Variants in TRIM67 observed in about 807,000 individuals in gnomAD.
TRIM67 encodes tripartite motif-containing protein 67.
In TRIM67, 39 loss-of-function variants were observed where a neutral mutation model predicts 71.0. The ratio of observed to expected loss-of-function variants is 0.55; its 90% CI spans 0.43 to 0.72. TRIM67 has a LOEUF of 0.72. Among genes scored for constraint, TRIM67 ranks in the 30% least tolerant of loss-of-function variants. TRIM67 has a pLI of 0.00. For missense variants in TRIM67, 973 were observed against 1,079.2 expected (o/e 0.90, Z 1.38); for synonymous variants, 481 against 473.9 (o/e 1.01, Z -0.19).
At chr1:231,214,001 CCTGGTCTGG>C in intron 9 of TRIM67, 24 bp downstream of exon 9, 1 of 1,588,136 alleles carries the variant, frequency 6.3e-7, no homozygotes, top group Admixed American at 1.7e-5. Context: ...CAGGGCCGGA[CCTGGTCTGG>C]CTGCTCCCAA....
intron 8 of TRIM67, among the ~76,000 whole-genome samples, chr1:231,210,690 T>C (rs533964763): frequency 2.1e-4 from 32 of 152,042 alleles, no homozygotes; most frequent in African/African-American, 7.5e-4. Flanking sequence ...TCGATGTATC[T>C]GAGCTCATTT....
chr1:231,185,366 G>T, intron 1 of TRIM67: 1 of 832,966 alleles, frequency 1.2e-6, no homozygotes. Flanking sequence ...CTCATCTGAA[G>T]TGGGGAAGAA....
intron 7 of TRIM67, among the ~76,000 whole-genome samples, chr1:231,208,508 A>C (rs140590353): frequency 2.6e-4 from 40 of 151,838 alleles, no homozygotes; most frequent in African/African-American, 8.9e-4. Context: ...GACGGAGTTT[A>C]ACCATGCTGG....
chr1:231,179,246 A>C (rs1682837041), intron 1 of TRIM67, among the ~76,000 whole-genome samples: 1 of 152,226 alleles, frequency 6.6e-6, no homozygotes, highest in Admixed American at 6.5e-5. Context: ...TGGCAGCAGA[A>C]GTCTAATCTC....
intron 5 of TRIM67, 47 bp downstream of exon 5, chr1:231,201,564 G>C (rs997855710): frequency 6.3e-7 from 1 of 1,591,106 alleles, no homozygotes; most frequent in African/African-American, 1.3e-5. Context: ...TTTCAAAAGA[G>C]GCATGCAGTC....
Position 231,206,678 on chromosome 1 carries a change from G to T in TRIM67, c.1707G>T (p.Leu569Phe). Residue 569 changes from leucine to phenylalanine, a missense_variant, in exon 7 of 10, where the codon TTG becomes TTT. Physicochemically the swap from Leu to Phe is conservative, Grantham distance 22 (BLOSUM62 0). This residue lies in a region of TRIM67 where 795 missense variants were observed against 831.3 expected (regional missense o/e 0.96). Coordinates refer to ENST00000366653, the MANE Select transcript of TRIM67 (RefSeq NM_001004342.5). ...FREVYVGKET[L>F]CTIDGLHFNS... ...AAGTGTACGTCGGTAAGGAGACTTT[G>T]TGTACCATCGACGGTCTTCACTTCA... 1 of 1,610,390 alleles carries T rather than the reference G, an allele frequency of 6.2e-7. No individual in the cohort carries two copies. Among genetic ancestry groups the T allele is most frequent in the East Asian group, 2.2e-5 (1 of 44,602 alleles).
At position 231,183,810 on chromosome 1, in the gene TRIM67, G is replaced by A. The variant is rs1018716298; in HGVS notation, c.1045-13561G>A. Among the ~76,000 whole-genome samples the A allele has an allele frequency of 5.3e-5, 8 of 152,070 alleles. No individual in the cohort carries two copies. In the East Asian group the frequency reaches 5.8e-4, roughly 11 times the overall value. Reference sequence around the variant, plus strand: ...TGTTAGGCACTTACTGCTATTACCCGCCTTTTGCATTTGAGGAAAATGAGG... The same window carrying A: ...TGTTAGGCACTTACTGCTATTACCCACCTTTTGCATTTGAGGAAAATGAGG... On this transcript the variant is annotated intron_variant, in intron 1 of 9. Transcript: ENST00000366653.
At chr1:231,165,085 C>G (rs1282902174) in intron 1 of TRIM67, among the ~76,000 whole-genome samples, 1 of 152,160 alleles carries the variant, frequency 6.6e-6, no homozygotes, top group Non-Finnish European at 1.5e-5. Context: ...CACCCCTTAC[C>G]CCAACCCCTC....
intron 1 of TRIM67, chr1:231,187,529 G>T: frequency 6.5e-7 from 1 of 1,532,626 alleles, no homozygotes; most frequent in Non-Finnish European, 8.7e-7. Context: ...TAGCACTGAG[G>T]GGCAGATAAA....
At chr1:231,187,009 T>A (rs1683098499) in intron 1 of TRIM67, among the ~76,000 whole-genome samples, 1 of 152,166 alleles carries the variant, frequency 6.6e-6, no homozygotes, top group African/African-American at 2.4e-5. Flanking sequence ...CTAATGAGGA[T>A]GCCCATCTCA....
intron 1 of TRIM67, among the ~76,000 whole-genome samples, chr1:231,195,369 T>A (rs570137235): frequency 1.1e-3 from 170 of 152,328 alleles, no homozygotes; most frequent in African/African-American, 3.8e-3. Flanking sequence ...GCGGCTACCG[T>A]CAGGGACAGA....
chr1:231,216,232 C>T lies in TRIM67; in HGVS notation c.*792C>T, dbSNP rs754354627. ...CCTTTCCTCCTTCTCTCTTACTTTC[C>T]TCCATCCCTGCCTCTTTCTTCCCTC... is the stretch of plus-strand genomic sequence containing the variant. On this transcript the variant is annotated 3_prime_UTR_variant, in exon 10 of 10. Transcript: ENST00000366653. 2.8e-4 allele frequency: 270 copies of T among 964,726 alleles called. No homozygotes were observed. Among genetic ancestry groups the T allele is most frequent in the Middle Eastern group, 5.2e-4 (1 of 1,922 alleles). The allele number at this position is 964,726 out of a possible 1,614,324, so 59.8% of individuals were successfully genotyped here.
At chr1:231,189,672 C>T (rs1430965265) in intron 1 of TRIM67, among the ~76,000 whole-genome samples, 1 of 152,122 alleles carries the variant, frequency 6.6e-6, no homozygotes, top group Non-Finnish European at 1.5e-5. Flanking sequence ...TCATAGATGG[C>T]ATCTTCTCAC....
rs550618932 is a variant in TRIM67 at position 231,187,329 on chromosome 1, C to T, written c.1045-10042C>T. On this transcript the variant is annotated intron_variant, in intron 1 of 9. Coordinates refer to ENST00000366653, the MANE Select transcript of TRIM67 (RefSeq NM_001004342.5). ...CGGAGGAGTGTGCCTCAGTGGTATC[C>T]GTGCCTCCCTCAGGTGGTGCTTAGA... Among the ~76,000 whole-genome samples, 6 of 152,080 alleles carry T rather than the reference C, an allele frequency of 3.9e-5. No individual in the cohort carries two copies. The South Asian group carries it at 8.3e-4, about 21-fold the overall frequency.
At chr1:231,179,179 G>A (rs1414217628) in intron 1 of TRIM67, among the ~76,000 whole-genome samples, 2 of 152,192 alleles carry the variant, frequency 1.3e-5, no homozygotes, top group African/African-American at 4.8e-5. Context: ...CCTCTGAAGG[G>A]ACCAGGAAGG....
intron 6 of TRIM67, among the ~76,000 whole-genome samples, chr1:231,205,108 G>A (rs1333108635): frequency 1.3e-5 from 2 of 152,154 alleles, no homozygotes; most frequent in Non-Finnish European, 2.9e-5. Context: ...AGAAAGAAAA[G>A]GCTGTTGGGA....
At chr1:231,186,331 C>T (rs1683075067) in intron 1 of TRIM67, among the ~76,000 whole-genome samples, 2 of 152,174 alleles carry the variant, frequency 1.3e-5, no homozygotes, top group African/African-American at 2.4e-5. Flanking sequence ...GTTTCAGCAG[C>T]GCATCCGTGG....
At chr1:231,176,643 G>C (rs1682755845) in intron 1 of TRIM67, among the ~76,000 whole-genome samples, 1 of 152,142 alleles carries the variant, frequency 6.6e-6, no homozygotes, top group Non-Finnish European at 1.5e-5. Context: ...ATGATGCCAT[G>C]TCTAATAAAA....
rs919601928 is a variant in TRIM67 at position 231,215,449 on chromosome 1, C to T, written c.*9C>T. On this transcript the variant is annotated 3_prime_UTR_variant, in exon 10 of 10. Transcript: ENST00000366653. ...AGCTGTCAGGCAATTAGCCCCGCTCCAGCTCGGCACTGTGCCTGTGACAGT... is the reference window on the plus strand; with the variant it reads ...AGCTGTCAGGCAATTAGCCCCGCTCTAGCTCGGCACTGTGCCTGTGACAGT... 5 of 1,600,072 alleles carry T rather than the reference C, an allele frequency of 3.1e-6. No homozygotes were observed. Among genetic ancestry groups the T allele is most frequent in the Non-Finnish European group, 3.4e-6 (4 of 1,171,970 alleles).
Sources: gnomAD v4.1 joint callset for allele counts (sites outside exome capture counted in the v4.1 genomes callset) on GRCh38, gnomAD v4.1.1 for gene constraint, gnomAD v4.1.1 regional missense constraint, MANE v1.5 for transcripts, NCBI Gene and HGNC (gene_info 2026-07-23, HGNC 2026-07-21) for gene names.